Variants in KIAA1217 observed in about 807,000 individuals in gnomAD.
KIAA1217 encodes the protein sickle tail protein homolog.
In KIAA1217, 88 loss-of-function variants were observed where a neutral mutation model predicts 163.9. The observed-to-expected ratio is 0.54, with a 90% CI of 0.45 to 0.64. The LOEUF is 0.64. Among genes scored for constraint, KIAA1217 ranks in the 30% least tolerant of loss-of-function variants. KIAA1217 has a pLI of 0.00. For synonymous variants in KIAA1217, 903 were observed against 923.1 expected, an observed-to-expected ratio of 0.98 and a Z score of 0.39; for missense variants, 2,372 against 2,475.0, an observed-to-expected ratio of 0.96 and a Z score of 0.88.
intron 2 of KIAA1217, among the ~76,000 whole-genome samples, chr10:24,037,759 T>C (rs865930598): frequency 7.2e-5 from 11 of 152,230 alleles, no homozygotes; most frequent in Non-Finnish European, 1.6e-4. Flanking sequence ...TTACTCACAA[T>C]TCAAACAATA....
intron 2 of KIAA1217, among the ~76,000 whole-genome samples, chr10:24,352,827 G>A (rs2048620512): frequency 6.6e-6 from 1 of 152,058 alleles, no homozygotes. Flanking sequence ...CTGAAAATAT[G>A]AGTGACCTCG....
intron 1 of KIAA1217, among the ~76,000 whole-genome samples, chr10:23,843,680 A>C (rs1283209457): frequency 6.6e-6 from 1 of 152,198 alleles, no homozygotes; most frequent in Non-Finnish European, 1.5e-5. Flanking sequence ...GGATACTGGG[A>C]TAAGATCTTT....
At chr10:24,107,042 C>T (rs1162343288) in intron 2 of KIAA1217, among the ~76,000 whole-genome samples, 1 of 152,196 alleles carries the variant, frequency 6.6e-6, no homozygotes, top group African/African-American at 2.4e-5. Context: ...TCCCAGCCTC[C>T]ACCCTCAAGT....
chr10:24,205,349 C>A (rs570205353), upstream of KIAA1217, among the ~76,000 whole-genome samples: 1 of 146,124 alleles, frequency 6.8e-6, no homozygotes, highest in South Asian at 2.2e-4. Context: ...GTGGCACATG[C>A]CTGTAATCCC....
At chr10:24,453,786 G>A (rs894213099) in intron 5 of KIAA1217, among the ~76,000 whole-genome samples, 1 of 152,222 alleles carries the variant, frequency 6.6e-6, no homozygotes, top group Admixed American at 6.5e-5. Context: ...TTGAATGAAT[G>A]TTGGAAAGAC....
At chr10:24,329,369 G>A (rs2045368511) in intron 2 of KIAA1217, among the ~76,000 whole-genome samples, 1 of 151,250 alleles carries the variant, frequency 6.6e-6, no homozygotes, top group South Asian at 2.1e-4. Context: ...CTGCTCAGTG[G>A]AAAATAAGAA....
At chr10:24,415,213 C>T (rs2058139880) in intron 3 of KIAA1217, among the ~76,000 whole-genome samples, 1 of 150,136 alleles carries the variant, frequency 6.7e-6, no homozygotes, top group Non-Finnish European at 1.5e-5. Flanking sequence ...CTCCCAGGTT[C>T]AAGCGATTCT....
At chr10:23,815,301 A>G (rs915698254) in intron 1 of KIAA1217, among the ~76,000 whole-genome samples, 1 of 152,198 alleles carries the variant, frequency 6.6e-6, no homozygotes, top group Non-Finnish European at 1.5e-5. Flanking sequence ...AGATGACATC[A>G]TTTAAAACAA....
upstream of KIAA1217, among the ~76,000 whole-genome samples, chr10:24,207,866 T>C (rs1372878305): frequency 6.6e-6 from 1 of 152,132 alleles, no homozygotes; most frequent in Non-Finnish European, 1.5e-5. Flanking sequence ...CACAGGTCAC[T>C]CGAGGTCACA....
At position 24,544,054 on chromosome 10, in the gene KIAA1217, C is replaced by T; in HGVS notation, c.4784C>T (p.Thr1595Ile). ...CAAGCCATTCGCACCGGAACTAAAACAGGGAAGAAGACTTTGCAAGTGGTA... is the reference window on the plus strand; with the variant it reads ...CAAGCCATTCGCACCGGAACTAAAATAGGGAAGAAGACTTTGCAAGTGGTA... ...LTQAIRTGTK[T>I]GKKTLQVVVY... The change falls in exon 19 of 21, where the codon ACA becomes ATA. Residue 1595 changes from threonine to isoleucine, a missense_variant. Transcript: ENST00000376454. The T allele has an allele frequency of 1.9e-6, 3 of 1,614,110 alleles. No homozygotes were observed. The highest frequency in any genetic ancestry group is 2.5e-6 in the Non-Finnish European group (3 of 1,180,030).
chr10:23,965,519 G>A (rs879134466), intron 1 of KIAA1217, among the ~76,000 whole-genome samples: 2 of 152,246 alleles, frequency 1.3e-5, no homozygotes, highest in Admixed American at 1.3e-4. Context: ...ACAGCTGTGT[G>A]TGGAAGGAGC....
At chr10:24,264,547 T>C (rs574113944) in intron 2 of KIAA1217, among the ~76,000 whole-genome samples, 6 of 152,218 alleles carry the variant, frequency 3.9e-5, no homozygotes, top group African/African-American at 1.4e-4. Flanking sequence ...CACAGAACAT[T>C]CCAGGAAACC....
chr10:23,754,527 A>G (rs377110982), intron 1 of KIAA1217, among the ~76,000 whole-genome samples: 2 of 152,306 alleles, frequency 1.3e-5, no homozygotes, highest in African/African-American at 4.8e-5. Flanking sequence ...TTTGACGAAT[A>G]TTGTTGGATC....
At chr10:24,232,572 A>G (rs567390222) in intron 2 of KIAA1217, among the ~76,000 whole-genome samples, 29 of 152,288 alleles carry the variant, frequency 1.9e-4, no homozygotes, top group Non-Finnish European at 3.5e-4. Flanking sequence ...GTAGTCAGCT[A>G]GAGGAAATTG....
chr10:24,062,387 T>A (rs937289710), intron 2 of KIAA1217, among the ~76,000 whole-genome samples: 5 of 147,564 alleles, frequency 3.4e-5, no homozygotes, highest in African/African-American at 1.2e-4. Context: ...GAACATGCAG[T>A]GTTTGGTTTT....
chr10:24,193,763 A>AT lies in KIAA1217; in HGVS notation c.-170-25852dup, dbSNP rs201912518. The stretch of plus-strand genomic sequence containing the variant: ...TTAGAGCAGATCACAGTACTCAAGG[A>AT]TTTTTTTTTTTGTATGAACTCCATC... On this transcript the variant is annotated intron_variant, in intron 2 of 18. Transcript: ENST00000376462. 1.0e-3 allele frequency among the ~76,000 whole-genome samples: 147 copies of AT among 144,234 alleles called. 2 individuals carry two copies. Among genetic ancestry groups the AT allele is most frequent in the African/African-American group, 2.2e-3 (89 of 39,578 alleles). The allele number at this position is 144,234 out of a possible 152,430, so 94.6% of individuals were successfully genotyped here.
chr10:24,464,476 G>T (rs1454783722), intron 5 of KIAA1217, among the ~76,000 whole-genome samples: 1 of 152,096 alleles, frequency 6.6e-6, no homozygotes, highest in African/African-American at 2.4e-5. Flanking sequence ...GTTTCTTGTG[G>T]TTTTACCCTT....
intron 5 of KIAA1217, among the ~76,000 whole-genome samples, chr10:24,471,373 G>T (rs1157713365): frequency 6.6e-6 from 1 of 151,988 alleles, no homozygotes; most frequent in Admixed American, 6.6e-5. Context: ...GATGGAGCCT[G>T]TCTCTCCTTC....
chr10:23,821,459 T>G (rs1336919884), intron 1 of KIAA1217, among the ~76,000 whole-genome samples: 2 of 152,124 alleles, frequency 1.3e-5, no homozygotes, highest in African/African-American at 4.8e-5. Context: ...GGTTTGTGTT[T>G]TCTAAGAGAG....
Sources: allele counts gnomAD v4.1 joint callset (sites outside exome capture counted in the v4.1 genomes callset), GRCh38; gene constraint gnomAD v4.1.1; transcripts MANE v1.5; gene names NCBI Gene and HGNC (gene_info 2026-07-23, HGNC 2026-07-21).